Variants in FOXN3 observed in about 807,000 individuals in gnomAD.
FOXN3 encodes forkhead box N3.
A neutral mutation model predicts 38.4 loss-of-function variants in FOXN3; 7 were observed. The observed-to-expected ratio is 0.18, with a 90% confidence interval of 0.10 to 0.34. The LOEUF (loss-of-function observed/expected upper bound fraction) is 0.34, where lower values mean the gene tolerates loss of function less well. Among genes scored for constraint, FOXN3 ranks in the 10% least tolerant of loss-of-function variants. The pLI is 1.00. For missense variants in FOXN3, 456 were observed against 613.4 expected, an observed-to-expected ratio of 0.74 and a Z score of 2.71; for synonymous variants, 230 against 242.2, an observed-to-expected ratio of 0.95 and a Z score of 0.47.
Position 89,162,582 on chromosome 14 carries a change from C to T in FOXN3, c.1239G>A (p.Leu413=). 6.2e-7 allele frequency: 1 copy of T among 1,612,654 alleles called. No homozygotes were observed. The highest frequency in any genetic ancestry group is 8.5e-7 in the Non-Finnish European group (1 of 1,179,714). ...TTTCGGTGCGTCTCTTTTTGAGGGG[C>T]AGTGTGTCGCTGGGGACCTTCCTGG... ...AKARKVPSDT[L]PLKKRRTEKP... is the part of the protein sequence containing the mutation. Residue 413 remains leucine, a synonymous_variant, in exon 6 of 6, where the codon CTG becomes CTA. Transcript: ENST00000557258. This position sits in a 1 kb window ranked among gnomAD's most constrained non-coding sequence, Gnocchi z 7.2.
At chr14:89,165,049 T>C (rs778422577) in intron 5 of FOXN3, among the ~76,000 whole-genome samples, 3 of 152,128 alleles carry the variant, frequency 2.0e-5, no homozygotes, top group Non-Finnish European at 4.4e-5. Context: ...ACTCAGCCTT[T>C]GCTAGATGTC....
intron 4 of FOXN3, among the ~76,000 whole-genome samples, chr14:89,255,119 C>T (rs1885576775): frequency 6.6e-6 from 1 of 152,234 alleles, no homozygotes; most frequent in African/African-American, 2.4e-5. Flanking sequence ...CAGGCCTCAG[C>T]ATCAGCGACT....
chr14:89,292,480 G>C (rs1270387462), intron 3 of FOXN3, among the ~76,000 whole-genome samples: 1 of 152,194 alleles, frequency 6.6e-6, no homozygotes, highest in Non-Finnish European at 1.5e-5. Flanking sequence ...GTGTTGCCAA[G>C]GTGATAGTGT....
intron 3 of FOXN3, chr14:89,349,518 C>T (rs1888884599): frequency 6.6e-6 from 1 of 152,634 alleles, no homozygotes; most frequent in Non-Finnish European, 1.5e-5. Flanking sequence ...AACAAACAGC[C>T]TTGTGATGCA....
intron 4 of FOXN3, chr14:89,223,374 G>C (rs530680593): frequency 6.6e-6 from 1 of 152,502 alleles, no homozygotes; most frequent in East Asian, 1.9e-4. Flanking sequence ...CACAGCAAAG[G>C]TCACCACAAA....
At chr14:89,226,683 C>G (rs1226636316) in intron 4 of FOXN3, among the ~76,000 whole-genome samples, 1 of 152,180 alleles carries the variant, frequency 6.6e-6, no homozygotes, top group Non-Finnish European at 1.5e-5. Context: ...ACCCCAGAAC[C>G]TGGTCTTATT....
At chr14:89,221,730 C>G (rs895411507) in intron 4 of FOXN3, among the ~76,000 whole-genome samples, 1 of 152,152 alleles carries the variant, frequency 6.6e-6, no homozygotes, top group African/African-American at 2.4e-5. Context: ...TTTTCCAATA[C>G]AAGAAGCATC....
At chr14:89,529,732 A>C (rs1212663007) in intron 1 of FOXN3, among the ~76,000 whole-genome samples, 2 of 152,098 alleles carry the variant, frequency 1.3e-5, no homozygotes, top group African/African-American at 4.8e-5. Flanking sequence ...GGATTATACA[A>C]TGCTTCTGGA....
At chr14:89,486,986 G>C (rs1893459435) in intron 1 of FOXN3, among the ~76,000 whole-genome samples, 1 of 152,114 alleles carries the variant, frequency 6.6e-6, no homozygotes, top group Non-Finnish European at 1.5e-5. Flanking sequence ...ATGTACTACA[G>C]CTGCTACTCA....
chr14:89,383,987 C>T (rs1166637054), intron 2 of FOXN3, among the ~76,000 whole-genome samples: 4 of 151,894 alleles, frequency 2.6e-5, no homozygotes. Context: ...ATAATTAGGT[C>T]ACTAAATAAG....
At chr14:89,242,931 T>C (rs2139868561) in intron 4 of FOXN3, among the ~76,000 whole-genome samples, 1 of 152,344 alleles carries the variant, frequency 6.6e-6, no homozygotes, top group Middle Eastern at 3.4e-3. Context: ...AGTCCATTAA[T>C]CGGGGTGCTT....
Position 89,511,194 on chromosome 14 carries a change from C to CTTTCTTTTG in FOXN3, c.-14-98705_-14-98704insCAAAAGAAA, listed in dbSNP as rs1555358067. On this transcript the variant is annotated intron_variant, in intron 1 of 6. Transcript: ENST00000345097. ...CTTTCTTTCTTTCTTTCTTTCTTTT[C>CTTTCTTTTG]TTTCTTTCTTTTCTTTCTTTCTTTC... Among the ~76,000 whole-genome samples, 3 of 12,632 alleles carry CTTTCTTTTG rather than the reference C, an allele frequency of 2.4e-4. 1 individual carries two copies. The highest frequency in any genetic ancestry group is 4.3e-4 in the African/African-American group (3 of 7,022). The allele number at this position is 12,632 out of a possible 152,430, so 8.3% of individuals were successfully genotyped here.
intron 2 of FOXN3, among the ~76,000 whole-genome samples, chr14:89,409,805 T>G (rs1596258192): frequency 6.6e-6 from 1 of 152,168 alleles, no homozygotes; most frequent in Non-Finnish European, 1.5e-5. Context: ...AAGAATAATC[T>G]TAAAGCACTC....
intron 1 of FOXN3, among the ~76,000 whole-genome samples, chr14:89,598,756 AAG>A (rs1295424468): frequency 2.6e-5 from 4 of 152,150 alleles, no homozygotes; most frequent in African/African-American, 9.7e-5. Context: ...TTTTCCTTTA[AAG>A]ATAAGAGGTA....
At chr14:89,410,483 C>T (rs1891514981) in intron 2 of FOXN3, among the ~76,000 whole-genome samples, 1 of 152,196 alleles carries the variant, frequency 6.6e-6, no homozygotes, top group East Asian at 1.9e-4. Flanking sequence ...ATCTTAACCG[C>T]GGCTGCATTA....
At chr14:89,211,345 T>C (rs1366829030) in intron 4 of FOXN3, among the ~76,000 whole-genome samples, 1 of 152,258 alleles carries the variant, frequency 6.6e-6, no homozygotes, top group African/African-American at 2.4e-5. Flanking sequence ...CTTCAGTGTA[T>C]GCAACTGTAG....
At chr14:89,482,522 G>A (rs1210736479) in intron 1 of FOXN3, among the ~76,000 whole-genome samples, 1 of 152,180 alleles carries the variant, frequency 6.6e-6, no homozygotes, top group Non-Finnish European at 1.5e-5. Flanking sequence ...GCTCAGACAG[G>A]AGGATCCCTT....
intron 1 of FOXN3, among the ~76,000 whole-genome samples, chr14:89,447,323 C>T (rs746267723): frequency 6.6e-6 from 1 of 152,092 alleles, no homozygotes; most frequent in Non-Finnish European, 1.5e-5. Context: ...CATTTACTTC[C>T]TCCACCAGTC....
chr14:89,327,089 A>G (rs1305653740), intron 3 of FOXN3, among the ~76,000 whole-genome samples: 3 of 152,174 alleles, frequency 2.0e-5, no homozygotes, highest in Non-Finnish European at 4.4e-5. Flanking sequence ...AAGCACATGT[A>G]CACATAGGAC....
Sources: allele counts gnomAD v4.1 joint callset (sites outside exome capture counted in the v4.1 genomes callset), GRCh38; gene constraint gnomAD v4.1.1; non-coding constraint Gnocchi (gnomAD v3.1); transcripts MANE v1.5; gene names NCBI Gene and HGNC (gene_info 2026-07-23, HGNC 2026-07-21).